Variants in MAP1LC3B observed in about 807,000 individuals in gnomAD.
MAP1LC3B encodes the protein microtubule associated protein 1 light chain 3 beta.
A neutral mutation model predicts 16.7 loss-of-function variants in MAP1LC3B; 12 were observed. The observed-to-expected ratio is 0.72, with a 90% CI of 0.46 to 1.16. The LOEUF (loss-of-function observed/expected upper bound fraction) is 1.16, where lower values mean the gene tolerates loss of function less well. MAP1LC3B is among the 50% of genes most tolerant of loss of function. The pLI, the probability that MAP1LC3B is intolerant of heterozygous loss-of-function variation, is 0.00. For synonymous variants in MAP1LC3B, 63 were observed against 56.5 expected (o/e 1.11, Z -0.51); for missense variants, 155 against 159.5 (o/e 0.97, Z 0.15).
intron 3 of MAP1LC3B, 132 bp from the exon 4 acceptor site, chr16:87,402,791 T>G: frequency 4.8e-6 from 5 of 1,042,332 alleles, no homozygotes; most frequent in Non-Finnish European, 6.9e-6. Flanking sequence ...CTGTGCTTTA[T>G]GAGAAGTATT....
chr16:87,395,037 G>A (rs531945531), intron 1 of MAP1LC3B, among the ~76,000 whole-genome samples: 6 of 152,300 alleles, frequency 3.9e-5, no homozygotes, highest in African/African-American at 9.6e-5. Context: ...GAGCCACCAC[G>A]CCTGGCCTGG....
chr16:87,400,287 C>T (rs1907946100), intron 2 of MAP1LC3B: 1 of 151,592 alleles, frequency 6.6e-6, no homozygotes, highest in Non-Finnish European at 1.5e-5. Flanking sequence ...ACGCCATTCT[C>T]CTGCCTCAGC....
In MAP1LC3B at chr16:87,399,535, T is replaced by C. The variant is rs570390495; in HGVS notation, c.96+665T>C. 146 of 444,982 alleles carry C rather than the reference T, an allele frequency of 3.3e-4. 1 individual carries two copies. Among genetic ancestry groups the C allele is most frequent in the South Asian group, 1.5e-3 (93 of 62,582 alleles). The allele number at this position is 444,982 out of a possible 1,614,324, so 27.6% of individuals were successfully genotyped here. A position where few individuals can be genotyped will look rare whatever the true frequency, so the allele number is the denominator to read the frequency against. On this transcript the variant is annotated intron_variant, in intron 2 of 3. Coordinates refer to ENST00000268607, the MANE Select transcript of MAP1LC3B (RefSeq NM_022818.5). ...AACAATGTACAAATAAGCATTTTTC[T>C]TTCCCAAAGAAGCATGTAAAGATTT...
chr16:87,393,575 G>C (rs539661330), intron 1 of MAP1LC3B, among the ~76,000 whole-genome samples: 8 of 152,262 alleles, frequency 5.3e-5, no homozygotes, highest in African/African-American at 1.9e-4. Flanking sequence ...ATGGACCTTA[G>C]CTTGCCAAGC....
rs1300991664 is a variant in MAP1LC3B at position 87,404,457 on chromosome 16, A to AT, written c.*1362dup. On this transcript the variant is annotated 3_prime_UTR_variant, in exon 4 of 4. Coordinates refer to ENST00000268607, the MANE Select transcript of MAP1LC3B (RefSeq NM_022818.5). ...TTCTTTGCATCTGGGCCCTCTACTG[A>AT]TTGTTAAAGGAGTTCCTGTCACCTG... 6.6e-6 allele frequency: 1 copy of AT among 151,994 alleles called. No individual in the cohort carries two copies. The highest frequency in any genetic ancestry group is 2.4e-5 in the African/African-American group (1 of 41,388). The allele number at this position is 151,994 out of a possible 1,614,324, so 9.4% of individuals were successfully genotyped here.
At chr16:87,396,406 C>T (rs1224976434) in intron 1 of MAP1LC3B, among the ~76,000 whole-genome samples, 3 of 150,778 alleles carry the variant, frequency 2.0e-5, no homozygotes, top group African/African-American at 7.3e-5. Flanking sequence ...ACCTGGGAGG[C>T]GTAGCTTGCA....
chr16:87,399,696 C>G, intron 2 of MAP1LC3B: 1 of 404,658 alleles, frequency 2.5e-6, no homozygotes, highest in Non-Finnish European at 4.8e-6. Context: ...GGTATTATAA[C>G]AGCTTAAAAC....
chr16:87,396,108 G>C (rs1013422964), intron 1 of MAP1LC3B, among the ~76,000 whole-genome samples: 1 of 151,250 alleles, frequency 6.6e-6, no homozygotes, highest in African/African-American at 2.4e-5. Flanking sequence ...TGATCCGCCC[G>C]CCTTGGCCTC....
Position 87,402,940 on chromosome 16 carries a change from A to T in MAP1LC3B, c.221A>T (p.Asn74Ile), listed in dbSNP as rs770930548. Residue 74 changes from asparagine (N) to isoleucine (I), a missense_variant, in exon 4 of 4, where the codon AAT (asparagine) becomes ATT (isoleucine). Asn to Ile is a moderately radical substitution (Grantham distance 149). Transcript: ENST00000268607. ...TTCAATAGAAGGCGCTTACAGCTCA[A>T]TGCTAATCAGGCCTTCTTCCTGTTG... ...IKIIRRRLQL[N>I]ANQAFFLLVN... The T allele has an allele frequency of 1.9e-6, 3 of 1,613,886 alleles. No homozygotes were observed. Among genetic ancestry groups the T allele is most frequent in the East Asian group, 2.2e-5 (1 of 44,896 alleles).
chr16:87,396,290 A>G (rs1319708899), intron 1 of MAP1LC3B, among the ~76,000 whole-genome samples: 1 of 151,558 alleles, frequency 6.6e-6, no homozygotes, highest in Admixed American at 6.6e-5. Flanking sequence ...CCTGGCTAAC[A>G]TGATGAAACC....
intron 1 of MAP1LC3B, among the ~76,000 whole-genome samples, chr16:87,396,478 A>C (rs1907810899): frequency 6.6e-6 from 1 of 152,028 alleles, no homozygotes; most frequent in Non-Finnish European, 1.5e-5. Flanking sequence ...CCATCTCAAA[A>C]AAAAAAAAAA....
chr16:87,402,881 G>T (rs776457218), intron 3 of MAP1LC3B, 42 bp from the exon 4 acceptor site: 157 of 1,610,328 alleles, frequency 9.7e-5, no homozygotes, highest in Non-Finnish European at 1.3e-4. Context: ...CATCCTTCTT[G>T]TATTGTTGTC....
At chr16:87,396,179 TAAA>T (rs1402533822) in intron 1 of MAP1LC3B, among the ~76,000 whole-genome samples, 2 of 151,484 alleles carry the variant, frequency 1.3e-5, no homozygotes, top group East Asian at 3.9e-4. Context: ...TTTCCTATAT[TAAA>T]AAAATGTTTC....
In MAP1LC3B at chr16:87,392,415, A is replaced by C; in HGVS notation, c.-13A>C. The stretch of plus-strand genomic sequence containing the variant: ...CGCGTCGTCGCCGCCGCCGCCGCCC[A>C]GATCCCTGCACCATGCCGTCGGAGA... On this transcript the variant is annotated 5_prime_UTR_variant, in exon 1 of 4. Transcript: ENST00000268607. 7.0e-7 allele frequency: 1 copy of C among 1,427,740 alleles called. No individual in the cohort carries two copies. The highest frequency in any genetic ancestry group is 1.4e-5 in the South Asian group (1 of 70,740). 88.4% of individuals were successfully genotyped at this position (1,427,740 alleles called of 1,614,324 possible).
In MAP1LC3B at chr16:87,402,253, A is replaced by C; in HGVS notation, c.175A>C (p.Asn59His). 6.2e-7 allele frequency: 1 copy of C among 1,614,202 alleles called. No homozygotes were observed. Among genetic ancestry groups the C allele is most frequent in the Non-Finnish European group, 8.5e-7 (1 of 1,180,024 alleles). The change falls in exon 3 of 4, where the codon AAC (asparagine) becomes CAC (histidine). Residue 59 changes from asparagine to histidine, a missense_variant. Coordinates refer to ENST00000268607, the MANE Select transcript of MAP1LC3B (RefSeq NM_022818.5). The stretch of plus-strand genomic sequence containing the variant: ...AAAGTTCCTTGTACCTGACCATGTC[A>C]ACATGAGTGAGCTCATCAAGATAAT... ...KTKFLVPDHVNMSELIKIIRR... is the reference protein window; with the variant it reads ...KTKFLVPDHVHMSELIKIIRR...
intron 1 of MAP1LC3B, among the ~76,000 whole-genome samples, chr16:87,394,894 A>G (rs1014427556): frequency 1.3e-5 from 2 of 151,956 alleles, no homozygotes; most frequent in Non-Finnish European, 2.9e-5. Flanking sequence ...ACATAGTGAG[A>G]GCTCATCTCT....
At chr16:87,395,836 G>A (rs886826475) in intron 1 of MAP1LC3B, among the ~76,000 whole-genome samples, 8 of 120,092 alleles carry the variant, frequency 6.7e-5, no homozygotes, top group South Asian at 2.9e-4. Flanking sequence ...CATAGAGCCT[G>A]TTTTTTCCTT....
At chr16:87,395,449 C>T (rs1907765156) in intron 1 of MAP1LC3B, among the ~76,000 whole-genome samples, 1 of 152,236 alleles carries the variant, frequency 6.6e-6, no homozygotes, top group African/African-American at 2.4e-5. Flanking sequence ...ATGATTACAG[C>T]ATTAGGAAAC....
At chr16:87,393,847 C>CCAG (rs1907701512) in intron 1 of MAP1LC3B, among the ~76,000 whole-genome samples, 2 of 152,194 alleles carry the variant, frequency 1.3e-5, no homozygotes, top group South Asian at 4.1e-4. Context: ...CTAAAGCGAT[C>CCAG]CAGCGGCCCC....
Sources: allele counts gnomAD v4.1 joint callset (sites outside exome capture counted in the v4.1 genomes callset), GRCh38; gene constraint gnomAD v4.1.1; transcripts MANE v1.5; gene names NCBI Gene and HGNC (gene_info 2026-07-23, HGNC 2026-07-21).